ANO6: variants seen among roughly 807,000 people sequenced by gnomAD.
ANO6 encodes anoctamin-6.
ANO6 carries 106 observed loss-of-function variants against 117.5 expected under a neutral mutation model. The ratio of observed to expected loss-of-function variants is 0.90; its 90% CI spans 0.77 to 1.06. ANO6 has a LOEUF of 1.06. Among genes scored for constraint, ANO6 ranks in the 50% least tolerant of loss-of-function variants. The pLI is 0.00. For missense variants in ANO6, 955 were observed against 1,121.1 expected, an observed-to-expected ratio of 0.85 and a Z score of 2.12; for synonymous variants, 367 against 385.1, an observed-to-expected ratio of 0.95 and a Z score of 0.55.
Position 45,438,376 on chromosome 12 carries a change from A to G in ANO6, c.2527-1299A>G, listed in dbSNP as rs1024690730. On this transcript the variant is annotated intron_variant, in intron 19 of 19. Transcript: ENST00000425752. ...CCCAGAAAAGGACATGTGATCAGCA[A>G]TACAGATTGAGCATCCCAAATCCAA... is the stretch of plus-strand genomic sequence containing the variant. Among the ~76,000 whole-genome samples the G allele has an allele frequency of 3.3e-5, 5 of 152,266 alleles. No homozygotes were observed. In the East Asian group the frequency reaches 7.7e-4, roughly 24 times the overall value.
At chr12:45,306,641 C>T (rs757112226) in intron 2 of ANO6, among the ~76,000 whole-genome samples, 2 of 151,922 alleles carry the variant, frequency 1.3e-5, no homozygotes, top group Non-Finnish European at 2.9e-5. Context: ...CATATGAAAA[C>T]ACATGTGATC....
At chr12:45,342,398 G>C (rs913872942) in intron 3 of ANO6, among the ~76,000 whole-genome samples, 1 of 152,172 alleles carries the variant, frequency 6.6e-6, no homozygotes. Flanking sequence ...CTCATTCTGG[G>C]CTGTCTAAGC....
At chr12:45,231,254 C>T (rs1249669848) in intron 1 of ANO6, among the ~76,000 whole-genome samples, 1 of 151,896 alleles carries the variant, frequency 6.6e-6, no homozygotes, top group Non-Finnish European at 1.5e-5. Context: ...AAGTTATTAC[C>T]CTGGTAGTTT....
intron 17 of ANO6, among the ~76,000 whole-genome samples, chr12:45,418,384 T>A (rs1238825628): frequency 6.6e-6 from 1 of 152,124 alleles, no homozygotes; most frequent in Non-Finnish European, 1.5e-5. Flanking sequence ...ACCTTCAACA[T>A]CTACTGTGCT....
At chr12:45,227,205 G>C (rs1285078228) in intron 1 of ANO6, among the ~76,000 whole-genome samples, 1 of 152,072 alleles carries the variant, frequency 6.6e-6, no homozygotes, top group East Asian at 1.9e-4. Context: ...GGCCAGGCTG[G>C]TCTTGAGCTC....
chr12:45,219,669 C>T (rs946684658), intron 1 of ANO6, among the ~76,000 whole-genome samples: 15 of 152,172 alleles, frequency 9.9e-5, no homozygotes, highest in African/African-American at 3.6e-4. Flanking sequence ...TCAGTGTTGC[C>T]TCCTAGTTTA....
rs1402190419 is a variant in ANO6 at position 45,403,434 on chromosome 12, T to G, written c.1783-5T>G. 1 of 1,610,922 alleles carries G rather than the reference T, an allele frequency of 6.2e-7. No individual in the cohort carries two copies. The highest frequency in any genetic ancestry group is 8.5e-7 in the Non-Finnish European group (1 of 1,177,122). On this transcript the variant is annotated splice_polypyrimidine_tract_variant and splice_region_variant and intron_variant, in intron 14 of 19. Transcript: ENST00000320560. ...TTAAATGGTATTTTCTTTTTAACCT[T>G]CTAGTGTGACCCAGGTGGCTGTCTT... is the stretch of plus-strand genomic sequence containing the variant.
chr12:45,254,437 T>A (rs1400722596), intron 1 of ANO6, among the ~76,000 whole-genome samples: 2 of 152,138 alleles, frequency 1.3e-5, no homozygotes, highest in African/African-American at 2.4e-5. Flanking sequence ...TGAAGGTAAT[T>A]TTTCAGAACA....
At chr12:45,416,952 G>C in intron 17 of ANO6, 48 bp downstream of exon 17, 1 of 1,576,944 alleles carries the variant, frequency 6.3e-7, no homozygotes, top group South Asian at 1.1e-5. Flanking sequence ...AGATGCATTA[G>C]ATTTGCTACC....
intron 10 of ANO6, among the ~76,000 whole-genome samples, chr12:45,380,168 G>C (rs1008154664): frequency 5.9e-5 from 9 of 152,138 alleles, no homozygotes; most frequent in Non-Finnish European, 5.9e-5. Flanking sequence ...CCTTAAAAAT[G>C]TCCATCCTTT....
rs551292614 is a variant in ANO6, at chr12:45,317,985, G to T, written c.151-13310G>T. 2.7e-3 allele frequency among the ~76,000 whole-genome samples: 409 copies of T among 152,294 alleles called. 1 individual carries two copies. Among genetic ancestry groups the T allele is most frequent in the Non-Finnish European group, 5.2e-3 (353 of 68,020 alleles). ...GATGGGGTTGTTTGTTTGTTTTCTTGTAAATTTGTTTGAGTTCTTTGTAGA... is the reference window on the plus strand; with the variant it reads ...GATGGGGTTGTTTGTTTGTTTTCTTTTAAATTTGTTTGAGTTCTTTGTAGA... On this transcript the variant is annotated intron_variant, in intron 2 of 19. Transcript: ENST00000320560.
intron 1 of ANO6, among the ~76,000 whole-genome samples, chr12:45,271,119 T>A (rs1277873930): frequency 2.0e-5 from 3 of 152,140 alleles, no homozygotes; most frequent in African/African-American, 7.2e-5. Context: ...AGAGAGAGTT[T>A]TAGCAAAAAA....
chr12:45,264,850 G>C (rs1938162665), intron 1 of ANO6, among the ~76,000 whole-genome samples: 1 of 152,190 alleles, frequency 6.6e-6, no homozygotes, highest in African/African-American at 2.4e-5. Context: ...AAGAATTAGA[G>C]AAAGGAACGT....
chr12:45,230,480 G>GAT (rs891464197), intron 1 of ANO6, among the ~76,000 whole-genome samples: 8 of 149,648 alleles, frequency 5.3e-5, no homozygotes, highest in African/African-American at 9.8e-5. Flanking sequence ...ATACATAATT[G>GAT]ATATATATAA....
At chr12:45,306,842 G>T (rs1389723548) in intron 2 of ANO6, among the ~76,000 whole-genome samples, 1 of 151,528 alleles carries the variant, frequency 6.6e-6, no homozygotes, top group African/African-American at 2.4e-5. Flanking sequence ...TGTTGGGGGG[G>T]TGGTGACAGT....
chr12:45,323,412 C>G (rs1940346849), intron 2 of ANO6, among the ~76,000 whole-genome samples: 1 of 152,146 alleles, frequency 6.6e-6, no homozygotes, highest in African/African-American at 2.4e-5. Flanking sequence ...ATCTGAGTAA[C>G]AGCAGAGAGA....
chr12:45,285,727 CAA>C (rs1204485374), intron 1 of ANO6, among the ~76,000 whole-genome samples: 15 of 101,802 alleles, frequency 1.5e-4, no homozygotes, highest in Admixed American at 3.1e-4. Context: ...GACTCCGTCT[CAA>C]AAAAAAAAAA....
intron 15 of ANO6, among the ~76,000 whole-genome samples, chr12:45,404,512 T>C (rs1287064023): frequency 2.6e-5 from 4 of 152,178 alleles, no homozygotes; most frequent in African/African-American, 9.7e-5. Context: ...AGTGGGGCTG[T>C]GTTCATTTCC....
At chr12:45,293,673 G>T (rs1426354924) in intron 1 of ANO6, among the ~76,000 whole-genome samples, 1 of 146,564 alleles carries the variant, frequency 6.8e-6, no homozygotes, top group Non-Finnish European at 1.5e-5. Context: ...CCATTCTCCT[G>T]CATCAGCCTC....
Sources: allele counts gnomAD v4.1 joint callset (sites outside exome capture counted in the v4.1 genomes callset), GRCh38; gene constraint gnomAD v4.1.1; transcripts MANE v1.5; gene names NCBI Gene and HGNC (gene_info 2026-07-23, HGNC 2026-07-21).